SUSD5: variants seen among roughly 807,000 people sequenced by gnomAD.
SUSD5 encodes sushi domain-containing protein 5.
Under a neutral mutation model 29.5 loss-of-function variants are expected in SUSD5, and 33 were observed. The observed-to-expected ratio is 1.12, with a 90% CI of 0.85 to 1.49. SUSD5 has a LOEUF of 1.49. SUSD5 is among the 40% of genes most tolerant of loss of function. The pLI, the probability that SUSD5 is intolerant of heterozygous loss-of-function variation, is 0.00. For synonymous variants in SUSD5, 308 were observed against 325.3 expected (o/e 0.95, Z 0.57); for missense variants, 776 against 800.6 (o/e 0.97, Z 0.37).
chr3:33,178,407 C>T (rs1297873737), intron 3 of SUSD5, among the ~76,000 whole-genome samples: 17 of 150,684 alleles, frequency 1.1e-4, no homozygotes, highest in African/African-American at 4.1e-4. Flanking sequence ...ATAATTGCAT[C>T]TATGTTCATG....
At chr3:33,212,675 T>C (rs1575546756) in intron 2 of SUSD5, among the ~76,000 whole-genome samples, 1 of 152,186 alleles carries the variant, frequency 6.6e-6, no homozygotes, top group South Asian at 2.1e-4. Context: ...CAAGAGCCCC[T>C]AAAGGAGATA....
At chr3:33,169,581 G>C (rs1422875692) in intron 4 of SUSD5, among the ~76,000 whole-genome samples, 1 of 152,146 alleles carries the variant, frequency 6.6e-6, no homozygotes, top group Non-Finnish European at 1.5e-5. Flanking sequence ...TAGAGTTGTT[G>C]AAAAAGCAGG....
intron 4 of SUSD5, among the ~76,000 whole-genome samples, chr3:33,173,435 T>C (rs1236850424): frequency 6.6e-6 from 1 of 152,244 alleles, no homozygotes; most frequent in Non-Finnish European, 1.5e-5. Context: ...CAGCATAGTT[T>C]GTGACAGCCA....
At chr3:33,182,204 T>C (rs1021360324) in intron 3 of SUSD5, among the ~76,000 whole-genome samples, 25 of 152,358 alleles carry the variant, frequency 1.6e-4, no homozygotes, top group African/African-American at 5.8e-4. Flanking sequence ...TAAAAGTATG[T>C]TGTTTAATCT....
At chr3:33,194,257 T>G (rs1389372638) in intron 3 of SUSD5, among the ~76,000 whole-genome samples, 1 of 152,212 alleles carries the variant, frequency 6.6e-6, no homozygotes, top group Non-Finnish European at 1.5e-5. Flanking sequence ...TTAAAAACCC[T>G]AGCCTCTGAA....
At chr3:33,183,421 T>A (rs552095364) in intron 3 of SUSD5, among the ~76,000 whole-genome samples, 2 of 152,306 alleles carry the variant, frequency 1.3e-5, no homozygotes, top group Admixed American at 6.5e-5. Context: ...ATTTTTATTC[T>A]TTATCTTTTT....
At chr3:33,203,708 T>C (rs2125630933) in intron 3 of SUSD5, among the ~76,000 whole-genome samples, 1 of 152,286 alleles carries the variant, frequency 6.6e-6, no homozygotes, top group Middle Eastern at 3.4e-3. Flanking sequence ...ATACTCTGCC[T>C]CTGGAACACA....
At chr3:33,183,930 C>CT (rs68055129) in intron 3 of SUSD5, among the ~76,000 whole-genome samples, 1,358 of 62,482 alleles carry the variant, frequency 0.022, 152 homozygotes, top group Middle Eastern at 0.044. Context: ...TTATTACCCT[C>CT]TTTTTTTTTT....
chr3:33,152,577 G>T lies in SUSD5; in HGVS notation c.*165C>A. 2 of 711,996 alleles carry T rather than the reference G, an allele frequency of 2.8e-6. No homozygotes were observed. The highest frequency in any genetic ancestry group is 4.6e-6 in the Non-Finnish European group (2 of 437,594). 44.1% of individuals were successfully genotyped at this position (711,996 alleles called of 1,614,324 possible). A position where few individuals can be genotyped will look rare whatever the true frequency, so the allele number is the denominator to read the frequency against. On this transcript the variant is annotated 3_prime_UTR_variant, in exon 5 of 5. Transcript: ENST00000309558. ...GTGATGATGTCACCAAAGCCTCCCTGCCCTCCCAGGTGCTCCAGAGACACT... is the reference window on the plus strand; with the variant it reads ...GTGATGATGTCACCAAAGCCTCCCTTCCCTCCCAGGTGCTCCAGAGACACT...
intron 2 of SUSD5, among the ~76,000 whole-genome samples, chr3:33,211,950 C>A (rs2032331218): frequency 6.6e-6 from 1 of 152,112 alleles, no homozygotes; most frequent in Admixed American, 6.6e-5. Flanking sequence ...TATTCTTCTG[C>A]ATACAGATAT....
At chr3:33,214,245 C>G (rs993021609) in intron 1 of SUSD5, 140 bp from the exon 2 acceptor site, 2 of 695,166 alleles carry the variant, frequency 2.9e-6, no homozygotes, top group African/African-American at 3.7e-5. Flanking sequence ...ACATCCACAT[C>G]CCTGGGACCA....
At chr3:33,156,789 G>A (rs892389253) in intron 4 of SUSD5, among the ~76,000 whole-genome samples, 1 of 152,124 alleles carries the variant, frequency 6.6e-6, no homozygotes, top group African/African-American at 2.4e-5. Flanking sequence ...ATAAGACTCT[G>A]TATCTTGCTT....
At chr3:33,187,339 G>A (rs2031797579) in intron 3 of SUSD5, among the ~76,000 whole-genome samples, 1 of 152,188 alleles carries the variant, frequency 6.6e-6, no homozygotes, top group African/African-American at 2.4e-5. Flanking sequence ...TCTGGCTCAG[G>A]AAAACCGCAA....
chr3:33,191,850 T>C (rs1218858874), intron 3 of SUSD5, among the ~76,000 whole-genome samples: 1 of 151,990 alleles, frequency 6.6e-6, no homozygotes, highest in Non-Finnish European at 1.5e-5. Context: ...GCAGCTGAGG[T>C]GGGAGGATCT....
In SUSD5 at chr3:33,184,545, T is replaced by C. The variant is rs1266549574; in HGVS notation, c.410-9471A>G. On this transcript the variant is annotated intron_variant, in intron 3 of 4. Coordinates refer to ENST00000309558, the MANE Select transcript of SUSD5 (RefSeq NM_015551.2). ...CCTTTCTTCCTTCTCCTTCTGATAC[T>C]TCCATTATGTGTGTGTTATAATTTT... Among the ~76,000 whole-genome samples, 3 of 152,312 alleles carry C rather than the reference T, an allele frequency of 2.0e-5. 1 individual carries two copies. The South Asian group carries it at 6.2e-4, about 32-fold the overall frequency.
chr3:33,185,447 C>T (rs2031758539), intron 3 of SUSD5, among the ~76,000 whole-genome samples: 1 of 152,210 alleles, frequency 6.6e-6, no homozygotes, highest in Admixed American at 6.5e-5. Flanking sequence ...ACAAACTTGT[C>T]CACCCTGAGC....
Position 33,152,656 on chromosome 3 carries a change from T to C in SUSD5, c.*86A>G. The C allele has an allele frequency of 7.2e-7, 1 of 1,381,872 alleles. No individual in the cohort carries two copies. The highest frequency in any genetic ancestry group is 1.5e-5 in the South Asian group (1 of 68,754). The allele number at this position is 1,381,872 out of a possible 1,614,324, so 85.6% of individuals were successfully genotyped here. A position where few individuals can be genotyped will look rare whatever the true frequency, so the allele number is the denominator to read the frequency against. ...AAAAAATGATGAGCCTCAGTCCACC[T>C]GCGTCATGCTCTAGTGAATTATCGT... On this transcript the variant is annotated 3_prime_UTR_variant, in exon 5 of 5. Coordinates refer to ENST00000309558, the MANE Select transcript of SUSD5 (RefSeq NM_015551.2).
chr3:33,183,761 T>G lies in SUSD5; in HGVS notation c.410-8687A>C, dbSNP rs2031720329. Among the ~76,000 whole-genome samples the G allele has an allele frequency of 4.6e-5, 7 of 152,164 alleles. No homozygotes were observed. The South Asian group carries it at 1.2e-3, about 27-fold the overall frequency. ...TTCCCTGCTCCCTAAAGAACTTCTT[T>G]TAACACTTCTTGCAAGACAGGTCTA... On this transcript the variant is annotated intron_variant, in intron 3 of 4. Coordinates refer to ENST00000309558, the MANE Select transcript of SUSD5 (RefSeq NM_015551.2).
chr3:33,165,793 T>A (rs1421090776), intron 4 of SUSD5, among the ~76,000 whole-genome samples: 1 of 152,184 alleles, frequency 6.6e-6, no homozygotes. Context: ...GTCATTCAAT[T>A]TTATATCAAC....
Sources: gnomAD v4.1 joint callset for allele counts (sites outside exome capture counted in the v4.1 genomes callset) on GRCh38, gnomAD v4.1.1 for gene constraint, MANE v1.5 for transcripts, NCBI Gene and HGNC (gene_info 2026-07-23, HGNC 2026-07-21) for gene names.